Variants in CEP192 observed in about 807,000 individuals in gnomAD.
The protein encoded by CEP192 is centrosomal protein 192, also known as centrosomal protein of 192 kDa.
A neutral mutation model predicts 271.8 loss-of-function variants in CEP192; 151 were observed. That is an observed-to-expected ratio of 0.56 (90% CI 0.49 to 0.64). CEP192 has a LOEUF of 0.64. Among genes scored for constraint, CEP192 ranks in the 30% least tolerant of loss-of-function variants. The pLI is 0.00. For synonymous variants in CEP192, 995 were observed against 1,076.5 expected, an observed-to-expected ratio of 0.92 and a Z score of 1.48; for missense variants, 2,910 against 3,020.5, an observed-to-expected ratio of 0.96 and a Z score of 0.86.
In CEP192 at chr18:13,001,371, T is replaced by C. The variant is rs2145800617; in HGVS notation, c.165-86T>C. 3 of 906,992 alleles carry C rather than the reference T, an allele frequency of 3.3e-6. No homozygotes were observed. In the East Asian group the frequency reaches 8.2e-5, roughly 25 times the overall value. The allele number at this position is 906,992 out of a possible 1,614,324, so 56.2% of individuals were successfully genotyped here. A position where few individuals can be genotyped will look rare whatever the true frequency, so the allele number is the denominator to read the frequency against. On this transcript the variant is annotated intron_variant, in intron 2 of 44. Coordinates refer to ENST00000506447, the MANE Select transcript of CEP192 (RefSeq NM_032142.4). Reference sequence around the variant, plus strand: ...TTTGTTTTTACCCCGGTGGTTGGTTTTACTGTCACGCAGCCCTATGTCATG... The same window carrying C: ...TTTGTTTTTACCCCGGTGGTTGGTTCTACTGTCACGCAGCCCTATGTCATG...
intron 40 of CEP192, among the ~76,000 whole-genome samples, chr18:13,106,141 GCTA>G (rs2039934820): frequency 6.6e-6 from 1 of 152,090 alleles, no homozygotes; most frequent in Non-Finnish European, 1.5e-5. Context: ...GAGGCATCAT[GCTA>G]CCTGACTTTA....
chr18:13,069,201 T>G lies in CEP192; in HGVS notation c.5055+20T>G. The G allele has an allele frequency of 3.2e-6, 5 of 1,586,414 alleles. No homozygotes were observed. Among genetic ancestry groups the G allele is most frequent in the Non-Finnish European group, 4.3e-6 (5 of 1,154,812 alleles). On this transcript the variant is annotated intron_variant, in intron 26 of 44. Coordinates refer to ENST00000506447, the MANE Select transcript of CEP192 (RefSeq NM_032142.4). ...ATCAAGGTATGCACTTCCATGAGAG[T>G]GCCATAAGATAGTCTTTCCTCAGAC...
chr18:13,043,935 A>G (rs918776714), intron 15 of CEP192, among the ~76,000 whole-genome samples: 16 of 152,124 alleles, frequency 1.1e-4, no homozygotes, highest in African/African-American at 3.9e-4. Flanking sequence ...CAGGCATGCA[A>G]TGTGTAATAA....
chr18:13,120,821 G>A (rs937467358), intron 44 of CEP192, among the ~76,000 whole-genome samples: 10 of 152,182 alleles, frequency 6.6e-5, no homozygotes, highest in Admixed American at 2.6e-4. Flanking sequence ...TGTAAATTTG[G>A]TAAAGTATGA....
In CEP192 at chr18:13,087,162, G is replaced by A. The variant is rs761656681; in HGVS notation, c.5762G>A (p.Arg1921Gln). Residue 1921 changes from arginine (R) to glutamine (Q), a missense_variant, in exon 31 of 45, where the codon CGA (arginine) becomes CAA (glutamine). Coordinates refer to ENST00000506447, the MANE Select transcript of CEP192 (RefSeq NM_032142.4). Reference sequence around the variant, plus strand: ...TTTTCTGTCCGCAACACTGGCTCCCGAGCAGCTTTTGTTAAAGCAGTAGGT... The same window carrying A: ...TTTTCTGTCCGCAACACTGGCTCCCAAGCAGCTTTTGTTAAAGCAGTAGGT... The part of the protein sequence containing the change: ...IVFSVRNTGS[R>Q]AAFVKAVGFK... The A allele has an allele frequency of 4.3e-6, 7 of 1,614,048 alleles. No individual in the cohort carries two copies. The highest frequency in any genetic ancestry group is 1.1e-5 in the South Asian group (1 of 91,074).
At chr18:13,102,635 C>A (rs562211739) in intron 38 of CEP192, among the ~76,000 whole-genome samples, 31 of 152,334 alleles carry the variant, frequency 2.0e-4, no homozygotes, top group African/African-American at 7.2e-4. Flanking sequence ...CTGTCGACTG[C>A]TCTTCCACTT....
chr18:13,021,306 G>T (rs1274061389), intron 9 of CEP192, among the ~76,000 whole-genome samples: 1 of 152,180 alleles, frequency 6.6e-6, no homozygotes, highest in African/African-American at 2.4e-5. Flanking sequence ...TTAGGTAAGG[G>T]TCTAACTAAC....
At chr18:13,120,990 G>A (rs1325227490) in intron 44 of CEP192, among the ~76,000 whole-genome samples, 1 of 152,230 alleles carries the variant, frequency 6.6e-6, no homozygotes, top group African/African-American at 2.4e-5. Context: ...AGAAGCAGCA[G>A]GACAGTAGAG....
chr18:12,997,964 A>T (rs898410597), intron 1 of CEP192, among the ~76,000 whole-genome samples: 1 of 152,124 alleles, frequency 6.6e-6, no homozygotes, highest in Non-Finnish European at 1.5e-5. Flanking sequence ...AACTCAAGTG[A>T]TTCGCCTGCC....
At chr18:13,072,094 C>T (rs1325074803) in intron 28 of CEP192, among the ~76,000 whole-genome samples, 1 of 152,192 alleles carries the variant, frequency 6.6e-6, no homozygotes, top group Non-Finnish European at 1.5e-5. Flanking sequence ...TTTCTCTTAA[C>T]ACAAGGTGGA....
At position 13,000,107 on chromosome 18, in the gene CEP192, T is replaced by C. The variant is rs2033537202; in HGVS notation, c.164+519T>C. On this transcript the variant is annotated intron_variant, in intron 2 of 44. Transcript: ENST00000506447. ...GTCTTCTCTCTTTTTTTTTTTTTTTTTTTTTTTTTTTGCTAATTAAAAAAA... is the reference window on the plus strand; with the variant it reads ...GTCTTCTCTCTTTTTTTTTTTTTTTCTTTTTTTTTTTGCTAATTAAAAAAA... Among the ~76,000 whole-genome samples the C allele has an allele frequency of 2.1e-5, 3 of 145,166 alleles. 1 individual carries two copies. The highest frequency in any genetic ancestry group is 6.9e-5 in the Admixed American group (1 of 14,460).
intron 41 of CEP192, among the ~76,000 whole-genome samples, 159 bp downstream of exon 41, chr18:13,113,864 G>T (rs1234301758): frequency 1.3e-5 from 2 of 151,992 alleles, no homozygotes; most frequent in East Asian, 3.9e-4. Flanking sequence ...ACTGGATTTG[G>T]CTGTATTGTT....
At chr18:13,102,536 C>T (rs909316415) in intron 38 of CEP192, among the ~76,000 whole-genome samples, 1 of 152,162 alleles carries the variant, frequency 6.6e-6, no homozygotes, top group African/African-American at 2.4e-5. Context: ...ACCTCATGCC[C>T]GGAACCCCGT....
intron 44 of CEP192, among the ~76,000 whole-genome samples, chr18:13,119,361 G>A (rs2040565185): frequency 6.6e-6 from 1 of 152,166 alleles, no homozygotes; most frequent in African/African-American, 2.4e-5. Context: ...TGGATCAATG[G>A]AATACTTCTG....
rs988995745 is a variant in CEP192 at position 13,049,629 on chromosome 18, T to G, written c.2838T>G (p.Ser946Arg). Residue 946 changes from serine (S) to arginine (R), a missense_variant, in exon 16 of 45, where the codon AGT becomes AGG. Ser to Arg is a moderately radical substitution (Grantham distance 110, BLOSUM62 -1). Coordinates refer to ENST00000506447, the MANE Select transcript of CEP192 (RefSeq NM_032142.4). ...QNECVSEISN[S>R]EKHVTFENHR... ...AGTGTGTCAGTGAAATAAGCAACAGTGAGAAGCATGTGACTTTTGAAAACC... is the reference window on the plus strand; with the variant it reads ...AGTGTGTCAGTGAAATAAGCAACAGGGAGAAGCATGTGACTTTTGAAAACC... The G allele has an allele frequency of 6.2e-7, 1 of 1,612,936 alleles. No individual in the cohort carries two copies. Among genetic ancestry groups the G allele is most frequent in the African/African-American group, 1.3e-5 (1 of 74,744 alleles).
chr18:13,095,769 C>A, intron 35 of CEP192, 88 bp downstream of exon 35: 3 of 1,135,798 alleles, frequency 2.6e-6, no homozygotes, highest in South Asian at 1.5e-5. Context: ...CCAAGACACA[C>A]ATGGGCTCCT....
intron 4 of CEP192, among the ~76,000 whole-genome samples, chr18:13,009,757 C>G (rs547115738): frequency 1.3e-5 from 2 of 152,116 alleles, no homozygotes; most frequent in African/African-American, 4.8e-5. Context: ...CGCTTGAACC[C>G]GGGAGGCGGA....
Position 13,116,384 on chromosome 18 carries a change from G to T in CEP192, c.7297G>T (p.Asp2433Tyr). 6.2e-7 allele frequency: 1 copy of T among 1,612,110 alleles called. No individual in the cohort carries two copies. Among genetic ancestry groups the T allele is most frequent in the Non-Finnish European group, 8.5e-7 (1 of 1,179,494 alleles). ...CACCTATTCCCAAAGCAGGCAGCTTGATGTGACTGCTCGTGGAGTTTATGC... is the reference window on the plus strand; with the variant it reads ...CACCTATTCCCAAAGCAGGCAGCTTTATGTGACTGCTCGTGGAGTTTATGC... ...EASARIPEQL[D>Y]VTARGVYAPE... The change falls in exon 43 of 45, where the codon GAT (aspartate) becomes TAT (tyrosine). Residue 2433 changes from aspartate (D) to tyrosine (Y), a missense_variant. By Grantham distance (160) the Asp-to-Tyr change is radical. Coordinates refer to ENST00000506447, the MANE Select transcript of CEP192 (RefSeq NM_032142.4).
chr18:13,043,420 C>T (rs2036313778), intron 15 of CEP192, among the ~76,000 whole-genome samples: 1 of 152,128 alleles, frequency 6.6e-6, no homozygotes, highest in Non-Finnish European at 1.5e-5. Flanking sequence ...AATCAAATAC[C>T]ATGACATCGT....
Sources: gnomAD v4.1 joint callset for allele counts (sites outside exome capture counted in the v4.1 genomes callset) on GRCh38, gnomAD v4.1.1 for gene constraint, MANE v1.5 for transcripts, NCBI Gene and HGNC (gene_info 2026-07-23, HGNC 2026-07-21) for gene names.